FAM53A: variants seen among roughly 807,000 people sequenced by gnomAD.
FAM53A encodes the protein family with sequence similarity 53 member A.
Under a neutral mutation model 26.6 loss-of-function variants are expected in FAM53A, and 28 were observed. The observed-to-expected ratio is 1.05, with a 90% CI of 0.78 to 1.45. The LOEUF (loss-of-function observed/expected upper bound fraction) is 1.45, where lower values mean the gene tolerates loss of function less well. Among genes scored for constraint, FAM53A ranks in the 40% most tolerant of loss-of-function variants. The pLI, the probability that FAM53A is intolerant of heterozygous loss-of-function variation, is 0.00. For missense variants in FAM53A, 650 were observed against 575.8 expected (o/e 1.13, Z -1.32); for synonymous variants, 290 against 253.1 (o/e 1.15, Z -1.38).
At chr4:1,575,292 C>T in the FAM53A span, among the ~76,000 whole-genome samples, 1 of 152,346 alleles carries the variant, frequency 6.6e-6, no homozygotes, top group Non-Finnish European at 1.5e-5. Context: ...TCCACCACAC[C>T]CCAAGTCTCT....
the FAM53A span, among the ~76,000 whole-genome samples, chr4:1,585,711 T>C: frequency 2.6e-5 from 4 of 152,188 alleles, no homozygotes; most frequent in Non-Finnish European, 4.4e-5. Context: ...TTCATCCACA[T>C]TGTCAATAAC....
chr4:1,657,289 C>T (rs745620476), intron 3 of FAM53A, 119 bp downstream of exon 3: 65 of 928,074 alleles, frequency 7.0e-5, no homozygotes, highest in Non-Finnish European at 9.8e-5. Flanking sequence ...GCAGGGCACA[C>T]GAACACCTTC....
At position 1,668,821 on chromosome 4, in the gene FAM53A, G is replaced by C; in HGVS notation, c.-80C>G. On this transcript the variant is annotated 5_prime_UTR_variant, in exon 2 of 5. Transcript: ENST00000308132. ...TCAGACTTGCGAAGGCCCCAGCATT[G>C]CTGGGTCAGCCAAATCTCAAGGTCA... 1 of 1,369,382 alleles carries C rather than the reference G, an allele frequency of 7.3e-7. No homozygotes were observed. Among genetic ancestry groups the C allele is most frequent in the Non-Finnish European group, 1.0e-6 (1 of 966,562 alleles). 84.8% of individuals were successfully genotyped at this position (1,369,382 alleles called of 1,614,324 possible). A position where few individuals can be genotyped will look rare whatever the true frequency, so the allele number is the denominator to read the frequency against.
intron 4 of FAM53A, chr4:1,644,154 T>C: frequency 4.6e-6 from 7 of 1,530,708 alleles, no homozygotes; most frequent in Non-Finnish European, 6.1e-6. Context: ...CAGGCTGCAC[T>C]ACACACGCAC....
intron 1 of FAM53A, chr4:1,684,012 C>G (rs1418927576): frequency 6.6e-6 from 1 of 152,178 alleles, no homozygotes; most frequent in African/African-American, 2.4e-5. Flanking sequence ...GCCACCAGGG[C>G]GGGCCTCGCC....
At chr4:1,668,165 G>A (rs1008172058) in intron 2 of FAM53A, among the ~76,000 whole-genome samples, 4 of 149,054 alleles carry the variant, frequency 2.7e-5, no homozygotes, top group Non-Finnish European at 1.5e-5. Context: ...TTTTTGAGAC[G>A]GAGTCTCGCT....
downstream of FAM53A, among the ~76,000 whole-genome samples, chr4:1,639,191 G>A (rs1715984660): frequency 6.6e-6 from 1 of 152,102 alleles, no homozygotes; most frequent in African/African-American, 2.4e-5. Context: ...AGTGGCCGGT[G>A]CCCTGGAGGC....
At chr4:1,623,540 T>C (rs964161385) in intron 1 of FAM53A, among the ~76,000 whole-genome samples, 1 of 152,208 alleles carries the variant, frequency 6.6e-6, no homozygotes. Flanking sequence ...GCTGCCCGCC[T>C]TCCCCGGCGG....
intron 2 of FAM53A, among the ~76,000 whole-genome samples, chr4:1,668,087 C>T (rs568810018): frequency 6.6e-6 from 1 of 152,028 alleles, no homozygotes; most frequent in South Asian, 2.1e-4. Context: ...GGGGCTCCAG[C>T]TTCTGTGTGT....
At chr4:1,608,898 C>T in the FAM53A span, among the ~76,000 whole-genome samples, 1 of 152,178 alleles carries the variant, frequency 6.6e-6, no homozygotes, top group East Asian at 1.9e-4. Flanking sequence ...GCTTACGGGA[C>T]GGAGGGCGCC....
intron 1 of FAM53A, among the ~76,000 whole-genome samples, chr4:1,675,972 C>T (rs1040226063): frequency 7.9e-5 from 12 of 152,240 alleles, no homozygotes; most frequent in Non-Finnish European, 1.5e-4. Context: ...AAAATGCCCT[C>T]GGCTGGCGGC....
At chr4:1,619,935 C>T (rs980724694) in intron 1 of FAM53A, among the ~76,000 whole-genome samples, 4 of 152,210 alleles carry the variant, frequency 2.6e-5, no homozygotes, top group African/African-American at 4.8e-5. Flanking sequence ...GTCAGCCGGG[C>T]GTGGTGGCTC....
At chr4:1,639,548 C>A (rs1053814644), downstream of FAM53A, among the ~76,000 whole-genome samples, 2 of 152,126 alleles carry the variant, frequency 1.3e-5, no homozygotes, top group East Asian at 3.9e-4. Flanking sequence ...GGCTCCTGAC[C>A]CCGGGCCAGC....
intron 1 of FAM53A, among the ~76,000 whole-genome samples, chr4:1,619,386 T>C (rs1674489142): frequency 6.6e-6 from 1 of 152,124 alleles, no homozygotes; most frequent in African/African-American, 2.4e-5. Context: ...GGCCAGCTGG[T>C]GGCGCGCATG....
In FAM53A at chr4:1,640,623, C is replaced by T. The variant is rs10022733; in HGVS notation, c.*670G>A. On this transcript the variant is annotated 3_prime_UTR_variant, in exon 5 of 5. Coordinates refer to ENST00000308132, the MANE Select transcript of FAM53A (RefSeq NM_001174070.3). ...TGTTCCAAGCAACACGAAACCTACT[C>T]TGTGCCCCAGGGCAGGTGCCGGCAG... 6.2e-3 allele frequency: 2,328 copies of T among 377,390 alleles called. 56 individuals carry two copies. Among genetic ancestry groups the T allele is most frequent in the African/African-American group, 0.049 (2,186 of 44,542 alleles). 23.4% of individuals were successfully genotyped at this position (377,390 alleles called of 1,614,324 possible). A position where few individuals can be genotyped will look rare whatever the true frequency, so the allele number is the denominator to read the frequency against.
Position 1,658,316 on chromosome 4 carries a change from G to A in FAM53A, c.76-848C>T, listed in dbSNP as rs1018661014. ...ATTACAGGTGTGAGCCACCACGCCC[G>A]GCCTCAGACATTTTTATTCCAAGCC... On this transcript the variant is annotated intron_variant, in intron 2 of 4. Transcript: ENST00000308132. 2.0e-5 allele frequency among the ~76,000 whole-genome samples: 3 copies of A among 152,290 alleles called. No homozygotes were observed. The East Asian group carries it at 5.8e-4, about 29-fold the overall frequency.
At chr4:1,582,284 C>A in the FAM53A span, among the ~76,000 whole-genome samples, 7 of 152,234 alleles carry the variant, frequency 4.6e-5, no homozygotes, top group Admixed American at 2.6e-4. Flanking sequence ...AGCCAGGCCA[C>A]GGCCATCAGG....
the FAM53A span, among the ~76,000 whole-genome samples, chr4:1,594,910 G>A: frequency 3.9e-5 from 6 of 152,218 alleles, no homozygotes; most frequent in South Asian, 2.1e-4. Context: ...ATACATTGCC[G>A]CCAGGAAGGA....
the FAM53A span, among the ~76,000 whole-genome samples, chr4:1,583,416 G>A: frequency 1.4e-4 from 21 of 152,336 alleles, no homozygotes; most frequent in East Asian, 3.3e-3. Context: ...GAGGAGTCTC[G>A]TGTCTCCCTT....
Sources: gnomAD v4.1 joint callset for allele counts (sites outside exome capture counted in the v4.1 genomes callset) on GRCh38, gnomAD v4.1.1 for gene constraint, MANE v1.5 for transcripts, NCBI Gene and HGNC (gene_info 2026-07-23, HGNC 2026-07-21) for gene names.